SP140L: variants seen among roughly 807,000 people sequenced by gnomAD.
The protein encoded by SP140L is SP140 like nuclear body protein.
In SP140L, 64 loss-of-function variants were observed where a neutral mutation model predicts 84.3. That is an observed-to-expected ratio of 0.76 (90% CI 0.62 to 0.94). SP140L has a LOEUF of 0.94. Ranked by LOEUF, SP140L falls within the 40% of genes least tolerant of loss-of-function variation. The pLI, the probability that SP140L is intolerant of heterozygous loss-of-function variation, is 0.00. For missense variants in SP140L, 628 were observed against 692.5 expected (o/e 0.91, Z 1.05); for synonymous variants, 242 against 236.9 (o/e 1.02, Z -0.20).
Position 230,327,222 on chromosome 2 carries a change from A to G in SP140L, c.-48A>G, listed in dbSNP as rs766202642. The G allele has an allele frequency of 1.3e-6, 2 of 1,585,686 alleles. No individual in the cohort carries two copies. The highest frequency in any genetic ancestry group is 1.7e-6 in the Non-Finnish European group (2 of 1,165,794). On this transcript the variant is annotated 5_prime_UTR_variant, in exon 1 of 19. Transcript: ENST00000415673. ...TGCACGCAGGCTGGGCCGACTGGGG[A>G]GCTCATAGGCCAGGCTCTGACACCC...
chr2:230,367,295 C>CTTTTTTTTTTTTTTTTT (rs200306286), intron 5 of SP140L, among the ~76,000 whole-genome samples: 5 of 118,052 alleles, frequency 4.2e-5, no homozygotes, highest in Non-Finnish European at 6.8e-5. Flanking sequence ...TCTTTTTTTT[C>CTTTTTTTTTTTTTTTTT]TTTTTTTTTT....
At position 230,359,066 on chromosome 2, in the gene SP140L, C is replaced by T. The variant is rs756981181; in HGVS notation, c.373C>T (p.Leu125=). The change falls in exon 4 of 19, where the codon CTG becomes TTG. Residue 125 remains leucine (L), a synonymous_variant. Transcript: ENST00000415673. ...KTFNLSVLEA[L]FSEVNMQEYP... ...ATTTAACCTGTCAGTTTTGGAAGCA[C>T]TGTTCAGCGAGGTCAACATGCAGGA... 3.1e-6 allele frequency: 5 copies of T among 1,613,788 alleles called. No homozygotes were observed. The highest frequency in any genetic ancestry group is 4.2e-6 in the Non-Finnish European group (5 of 1,179,900).
rs1352439728 is a variant in SP140L, at chr2:230,327,237, C to T, written c.-33C>T. ...CCGACTGGGGAGCTCATAGGCCAGG[C>T]TCTGACACCCAGGCAGGGCCTAGGG... On this transcript the variant is annotated 5_prime_UTR_variant, in exon 1 of 19. Coordinates refer to ENST00000415673, the MANE Select transcript of SP140L (RefSeq NM_138402.6). 1.2e-6 allele frequency: 2 copies of T among 1,601,596 alleles called. No individual in the cohort carries two copies. Among genetic ancestry groups the T allele is most frequent in the Non-Finnish European group, 1.7e-6 (2 of 1,174,016 alleles).
intron 7 of SP140L, among the ~76,000 whole-genome samples, chr2:230,375,137 T>C (rs1043850540): frequency 6.6e-6 from 1 of 152,220 alleles, no homozygotes; most frequent in African/African-American, 2.4e-5. Context: ...TTTTAATGTT[T>C]AAATCTATAA....
At chr2:230,361,097 A>G (rs911365415) in intron 4 of SP140L, among the ~76,000 whole-genome samples, 1 of 152,078 alleles carries the variant, frequency 6.6e-6, no homozygotes, top group Non-Finnish European at 1.5e-5. Context: ...CCACAGGTGC[A>G]CACAACCACA....
chr2:230,380,819 G>A (rs2061380213), intron 7 of SP140L, among the ~76,000 whole-genome samples: 2 of 152,062 alleles, frequency 1.3e-5, no homozygotes, highest in African/African-American at 2.4e-5. Context: ...TAATTTGTTT[G>A]TTTTCATTGC....
rs975939137 is a variant in SP140L at position 230,403,465 on chromosome 2, G to A, written c.*569G>A. The A allele has an allele frequency of 2.6e-5, 4 of 152,402 alleles. No individual in the cohort carries two copies. Among genetic ancestry groups the A allele is most frequent in the African/African-American group, 9.7e-5 (4 of 41,436 alleles). 9.4% of individuals were successfully genotyped at this position (152,402 alleles called of 1,614,324 possible). On this transcript the variant is annotated 3_prime_UTR_variant, in exon 19 of 19. Transcript: ENST00000415673. The stretch of plus-strand genomic sequence containing the variant: ...GAGCCGCCCGCCTTGGCCTCCCAAA[G>A]TGCTGGGACGTGACAGGAGTGAGCC...
At chr2:230,355,062 G>T (rs1476960243) in intron 2 of SP140L, among the ~76,000 whole-genome samples, 1 of 152,106 alleles carries the variant, frequency 6.6e-6, no homozygotes, top group Non-Finnish European at 1.5e-5. Flanking sequence ...CAAGGAAGTT[G>T]TCTCTCACTT....
At chr2:230,347,100 A>G (rs1480723858) in intron 2 of SP140L, among the ~76,000 whole-genome samples, 1 of 152,090 alleles carries the variant, frequency 6.6e-6, no homozygotes, top group Non-Finnish European at 1.5e-5. Context: ...ATGAATAGTC[A>G]CAGTTTGCTT....
In SP140L at chr2:230,361,225, T is replaced by C. The variant is rs1430613772; in HGVS notation, c.440-389T>C. ...CGTCACCATCCCACAGTTCTACGATTACAAGCATGAGCCACTGCACCTGGC... is the reference window on the plus strand; with the variant it reads ...CGTCACCATCCCACAGTTCTACGATCACAAGCATGAGCCACTGCACCTGGC... On this transcript the variant is annotated intron_variant, in intron 4 of 18. Coordinates refer to ENST00000415673, the MANE Select transcript of SP140L (RefSeq NM_138402.6). Among the ~76,000 whole-genome samples, 5 of 152,298 alleles carry C rather than the reference T, an allele frequency of 3.3e-5. No homozygotes were observed. The East Asian group carries it at 9.7e-4, about 29-fold the overall frequency.
intron 7 of SP140L, among the ~76,000 whole-genome samples, chr2:230,381,182 G>A (rs946066774): frequency 5.3e-5 from 8 of 152,198 alleles, no homozygotes; most frequent in Admixed American, 1.3e-4. Flanking sequence ...CCTTACCTCC[G>A]AGGGAGATAT....
chr2:230,328,627 T>G, intron 1 of SP140L, 130 bp from the exon 2 acceptor site: 2 of 1,181,132 alleles, frequency 1.7e-6, no homozygotes, highest in Non-Finnish European at 2.3e-6. Context: ...ATAATAATGA[T>G]TATATATTTC....
chr2:230,363,670 A>C (rs983302762), intron 5 of SP140L, among the ~76,000 whole-genome samples: 1 of 151,802 alleles, frequency 6.6e-6, no homozygotes, highest in African/African-American at 2.4e-5. Flanking sequence ...GAAACTTTTT[A>C]GTTTGATGTA....
chr2:230,328,046 C>T (rs770506938), intron 1 of SP140L, among the ~76,000 whole-genome samples: 25 of 152,252 alleles, frequency 1.6e-4, no homozygotes, highest in African/African-American at 4.6e-4. Context: ...AATAACATTA[C>T]GTAATCTTTT....
intron 14 of SP140L, among the ~76,000 whole-genome samples, chr2:230,398,459 C>T (rs891431347): frequency 1.3e-5 from 2 of 152,204 alleles, no homozygotes; most frequent in African/African-American, 2.4e-5. Flanking sequence ...GACAGAACAG[C>T]GTGTTGAGAC....
Position 230,343,589 on chromosome 2 carries a change from G to T in SP140L, c.108-14216G>T, listed in dbSNP as rs190455634. On this transcript the variant is annotated intron_variant, in intron 2 of 18. Transcript: ENST00000415673. Reference sequence around the variant, plus strand: ...AATAGAATGATTTATATTCCTTTGGGTATATATCCAGTAATGGGATTGCTG... The same window carrying T: ...AATAGAATGATTTATATTCCTTTGGTTATATATCCAGTAATGGGATTGCTG... 3.0e-4 allele frequency among the ~76,000 whole-genome samples: 36 copies of T among 119,142 alleles called. 1 individual carries two copies. Among genetic ancestry groups the T allele is most frequent in the Non-Finnish European group, 4.8e-4 (26 of 54,006 alleles). The allele number at this position is 119,142 out of a possible 152,430, so 78.2% of individuals were successfully genotyped here.
chr2:230,378,834 T>A (rs2061325394), intron 7 of SP140L, among the ~76,000 whole-genome samples: 1 of 152,240 alleles, frequency 6.6e-6, no homozygotes, highest in South Asian at 2.1e-4. Context: ...AAATATGGGT[T>A]CATAGTAATT....
chr2:230,330,234 G>C (rs1053192465), intron 2 of SP140L, among the ~76,000 whole-genome samples: 1 of 152,106 alleles, frequency 6.6e-6, no homozygotes, highest in Non-Finnish European at 1.5e-5. Context: ...TGAAGACTCT[G>C]TTTTTATTCT....
In SP140L at chr2:230,388,538, TTTA is replaced by T. The variant is rs1398059354; in HGVS notation, c.785-15_785-13del. The T allele has an allele frequency of 6.3e-7, 1 of 1,589,328 alleles. No homozygotes were observed. The highest frequency in any genetic ancestry group is 8.6e-7 in the Non-Finnish European group (1 of 1,169,566). ...ACAGCTGCTCATTTGTAACTGTGATTTTATTATTCTACTTTCTCAGGGAGAAAG... is the reference window on the plus strand; with the variant it reads ...ACAGCTGCTCATTTGTAACTGTGATTTTATTCTACTTTCTCAGGGAGAAAG... On this transcript the variant is annotated intron_variant, in intron 9 of 18. Coordinates refer to ENST00000415673, the MANE Select transcript of SP140L (RefSeq NM_138402.6).
Sources: gnomAD v4.1 joint callset for allele counts (sites outside exome capture counted in the v4.1 genomes callset) on GRCh38, gnomAD v4.1.1 for gene constraint, MANE v1.5 for transcripts, NCBI Gene and HGNC (gene_info 2026-07-23, HGNC 2026-07-21) for gene names.